The following DPYSL3 variants were observed in gnomAD, a reference collection of about 807,000 sequenced individuals.
The protein encoded by DPYSL3 is dihydropyrimidinase-related protein 3.
DPYSL3 carries 16 observed loss-of-function variants against 66.1 expected under a neutral mutation model. The ratio of observed to expected loss-of-function variants is 0.24; its 90% CI spans 0.16 to 0.37. The LOEUF (loss-of-function observed/expected upper bound fraction) is 0.37. Ranked by LOEUF, DPYSL3 falls within the 10% of genes least tolerant of loss-of-function variation. The pLI is 1.00. For missense variants in DPYSL3, 738 were observed against 916.2 expected (o/e 0.81, Z 2.51); for synonymous variants, 338 against 345.1 (o/e 0.98, Z 0.23).
At position 147,393,992 on chromosome 5, in the gene DPYSL3, C is replaced by T; in HGVS notation, c.*43G>A. 1 of 1,600,226 alleles carries T rather than the reference C, an allele frequency of 6.2e-7. No homozygotes were observed. The highest frequency in any genetic ancestry group is 8.6e-7 in the Non-Finnish European group (1 of 1,169,120). ...TCGGTGTACCATTTTGGCTTCAAAA[C>T]AATCTCTTCTTGCTTCTGCCCCTCT... On this transcript the variant is annotated 3_prime_UTR_variant, in exon 14 of 14. Coordinates refer to ENST00000343218, the MANE Select transcript of DPYSL3 (RefSeq NM_001197294.2).
rs1462535200 is a variant in DPYSL3 at position 147,405,602 on chromosome 5, C to A, written c.1153+8G>T. On this transcript the variant is annotated splice_region_variant and intron_variant, in intron 8 of 13. Coordinates refer to ENST00000343218, the MANE Select transcript of DPYSL3 (RefSeq NM_001197294.2). ...CAGGGGCTCCGAGATCTTGGAAACA[C>A]AAATCACCTTTTTTCCTGGCTTGTG... 1.9e-6 allele frequency: 3 copies of A among 1,608,792 alleles called. No homozygotes were observed. Among genetic ancestry groups the A allele is most frequent in the Non-Finnish European group, 2.5e-6 (3 of 1,177,606 alleles).
In DPYSL3 at chr5:147,415,696, T is replaced by G; in HGVS notation, c.820+13A>C. ...AGCTAAGAGAGGAGGGAGGACGGCATGTCCGGGCTCACCTTTGTCCTTGAT... is the reference window on the plus strand; with the variant it reads ...AGCTAAGAGAGGAGGGAGGACGGCAGGTCCGGGCTCACCTTTGTCCTTGAT... On this transcript the variant is annotated intron_variant, in intron 4 of 13. Transcript: ENST00000343218. 1 of 1,612,214 alleles carries G rather than the reference T, an allele frequency of 6.2e-7. No homozygotes were observed. The highest frequency in any genetic ancestry group is 8.5e-7 in the Non-Finnish European group (1 of 1,179,008).
Position 147,399,142 on chromosome 5 carries a change from G to A in DPYSL3, c.1563C>T (p.Ser521=), listed in dbSNP as rs375162549. 165 of 1,614,188 alleles carry A rather than the reference G, an allele frequency of 1.0e-4. No homozygotes were observed. The African/African-American group carries it at 1.9e-3, about 19-fold the overall frequency. The change falls in exon 11 of 14, where the codon AGC becomes AGT. Residue 521 remains serine, a synonymous_variant. Coordinates refer to ENST00000343218, the MANE Select transcript of DPYSL3 (RefSeq NM_001197294.2). The stretch of plus-strand genomic sequence containing the variant: ...CATCTGGATCCCAGATGACGAGGTC[G>A]CTGTCAGAACCCACAGATATTCTTC... ...RKGRISVGSD[S]DLVIWDPDAV... is the part of the protein sequence containing the mutation.
At chr5:147,498,126 C>T (rs1753548957) in intron 1 of DPYSL3, among the ~76,000 whole-genome samples, 1 of 152,040 alleles carries the variant, frequency 6.6e-6, no homozygotes, top group South Asian at 2.1e-4. Context: ...TGTGTTGTTT[C>T]CCTCTATGTA....
rs1757850056 is a variant in DPYSL3, at chr5:147,392,738, C to G, written c.*1297G>C. 1 of 152,184 alleles carries G rather than the reference C, an allele frequency of 6.6e-6. No individual in the cohort carries two copies. The highest frequency in any genetic ancestry group is 1.5e-5 in the Non-Finnish European group (1 of 68,032). 9.4% of individuals were successfully genotyped at this position (152,184 alleles called of 1,614,324 possible). A position where few individuals can be genotyped will look rare whatever the true frequency, so the allele number is the denominator to read the frequency against. On this transcript the variant is annotated 3_prime_UTR_variant, in exon 14 of 14. Transcript: ENST00000343218. Reference sequence around the variant, plus strand: ...GGAAGACTGCATCATGTCACTTCCACTCACTTGGGGAGATTCTAGGACTGA... The same window carrying G: ...GGAAGACTGCATCATGTCACTTCCAGTCACTTGGGGAGATTCTAGGACTGA...
intron 1 of DPYSL3, among the ~76,000 whole-genome samples, chr5:147,478,543 A>C (rs1753194676): frequency 6.6e-6 from 1 of 152,120 alleles, no homozygotes; most frequent in Admixed American, 6.5e-5. Context: ...TTTGGCCTTG[A>C]CTGTCCTCTC....
chr5:147,422,241 T>C (rs1161220516), intron 2 of DPYSL3, among the ~76,000 whole-genome samples: 1 of 151,814 alleles, frequency 6.6e-6, no homozygotes, highest in Non-Finnish European at 1.5e-5. Flanking sequence ...CCAAAAAACA[T>C]ATGAAAAAAA....
intron 8 of DPYSL3, among the ~76,000 whole-genome samples, chr5:147,404,717 G>A (rs1295212926): frequency 6.6e-6 from 1 of 152,202 alleles, no homozygotes; most frequent in Admixed American, 6.5e-5. Context: ...GGCAAGCAAA[G>A]GAAGCCCAAG....
intron 1 of DPYSL3, among the ~76,000 whole-genome samples, chr5:147,428,849 C>A (rs1185275999): frequency 2.0e-5 from 3 of 152,074 alleles, no homozygotes; most frequent in Admixed American, 2.0e-4. Context: ...ATAGCTAATG[C>A]ATGCTGGGCT....
intron 1 of DPYSL3, among the ~76,000 whole-genome samples, chr5:147,473,727 G>A (rs1030306328): frequency 2.0e-5 from 3 of 152,090 alleles, no homozygotes; most frequent in African/African-American, 7.2e-5. Context: ...TTCCACCAAT[G>A]GGTTTGCCCT....
intron 4 of DPYSL3, 61 bp downstream of exon 4, chr5:147,415,648 T>A: frequency 6.4e-7 from 1 of 1,573,714 alleles, no homozygotes; most frequent in South Asian, 1.2e-5. Flanking sequence ...GAGTGGATGG[T>A]GTTGGAAGGA....
intron 1 of DPYSL3, among the ~76,000 whole-genome samples, chr5:147,449,339 C>T (rs990221671): frequency 6.6e-6 from 1 of 152,202 alleles, no homozygotes; most frequent in Non-Finnish European, 1.5e-5. Flanking sequence ...CGCCCTAGAC[C>T]GAACTTTGCA....
Position 147,395,636 on chromosome 5 carries a change from G to A in DPYSL3, c.1889C>T (p.Ala630Val). ...LTTTPKGGTP[A>V]GSARGSPTRP... The stretch of plus-strand genomic sequence containing the variant: ...AGTAGGAGAGCCCCGAGCAGAGCCT[G>A]CGGGGGTGCCACCTTTGGGGGTGGT... The change falls in exon 13 of 14, where the codon GCA becomes GTA. Residue 630 changes from alanine (A) to valine (V), a missense_variant. Physicochemically the swap from Ala to Val is moderately conservative, Grantham distance 64. Coordinates refer to ENST00000343218, the MANE Select transcript of DPYSL3 (RefSeq NM_001197294.2). The A allele has an allele frequency of 3.1e-6, 5 of 1,614,136 alleles. No homozygotes were observed. The highest frequency in any genetic ancestry group is 3.4e-6 in the Non-Finnish European group (4 of 1,180,050).
chr5:147,433,673 T>C (rs1480567211), intron 1 of DPYSL3, among the ~76,000 whole-genome samples: 2 of 152,152 alleles, frequency 1.3e-5, no homozygotes, highest in African/African-American at 2.4e-5. Flanking sequence ...CTGTAAAGTA[T>C]AGATAATAAT....
chr5:147,441,544 G>T (rs1187459488), intron 1 of DPYSL3, among the ~76,000 whole-genome samples: 1 of 152,084 alleles, frequency 6.6e-6, no homozygotes, highest in Non-Finnish European at 1.5e-5. Context: ...CTGGGTAGGG[G>T]ACATAATTCA....
intron 1 of DPYSL3, among the ~76,000 whole-genome samples, chr5:147,426,473 G>A (rs1008835911): frequency 1.3e-5 from 2 of 152,002 alleles, no homozygotes; most frequent in African/African-American, 4.8e-5. Flanking sequence ...CAAGCAGAGG[G>A]GTGAAGACCT....
At chr5:147,481,621 C>T (rs972375989) in intron 1 of DPYSL3, among the ~76,000 whole-genome samples, 2 of 152,206 alleles carry the variant, frequency 1.3e-5, no homozygotes, top group Non-Finnish European at 2.9e-5. Context: ...GCAACAGTGC[C>T]TGAAGGTGGG....
At chr5:147,490,748 C>T (rs1753403090) in intron 1 of DPYSL3, among the ~76,000 whole-genome samples, 1 of 152,120 alleles carries the variant, frequency 6.6e-6, no homozygotes, top group Non-Finnish European at 1.5e-5. Flanking sequence ...CACACAGAGA[C>T]CCATAAGCAG....
At chr5:147,482,963 C>T (rs543562983) in intron 1 of DPYSL3, among the ~76,000 whole-genome samples, 2 of 152,230 alleles carry the variant, frequency 1.3e-5, no homozygotes, top group East Asian at 1.9e-4. Flanking sequence ...CATCAGATCT[C>T]GTGAGAACTC....
Sources: allele counts gnomAD v4.1 joint callset (sites outside exome capture counted in the v4.1 genomes callset), GRCh38; gene constraint gnomAD v4.1.1; transcripts MANE v1.5; gene names NCBI Gene and HGNC (gene_info 2026-07-23, HGNC 2026-07-21).